Variants in NLRP2 observed in about 807,000 individuals in gnomAD.
The protein encoded by NLRP2 is NLR family pyrin domain containing 2.
A neutral mutation model predicts 97.2 loss-of-function variants in NLRP2; 107 were observed. The observed-to-expected ratio is 1.10, with a 90% CI of 0.94 to 1.29. NLRP2 has a LOEUF of 1.29. NLRP2 is among the 50% of genes most tolerant of loss of function. The pLI, the probability that NLRP2 is intolerant of heterozygous loss-of-function variation, is 0.00. For missense variants in NLRP2, 1,495 were observed against 1,330.3 expected (o/e 1.12, Z -1.93); for synonymous variants, 663 against 551.5 (o/e 1.20, Z -2.83).
Position 54,990,193 on chromosome 19 carries a change from G to GT in NLRP2, c.2537+2dup. On this transcript the variant is annotated splice_donor_variant, in intron 9 of 12. Transcript: ENST00000448584. LOFTEE classifies it high-confidence loss of function. ...CCAAGTGCTTTCTGCAGAGGTTGTC[G>GT]TAAGTCTCTCCTCTCTTACAGAGCA... The GT allele has an allele frequency of 1.2e-6, 2 of 1,613,990 alleles. No homozygotes were observed. The highest frequency in any genetic ancestry group is 1.1e-5 in the South Asian group (1 of 91,080).
intron 10 of NLRP2, among the ~76,000 whole-genome samples, chr19:54,992,692 A>G (rs1359346121): frequency 6.8e-6 from 1 of 147,444 alleles, no homozygotes; most frequent in Non-Finnish European, 1.5e-5. Context: ...TCAGCCTCCC[A>G]GGGATTAAGG....
chr19:54,968,701 C>CT (rs61212213), intron 1 of NLRP2, among the ~76,000 whole-genome samples: 13 of 114,284 alleles, frequency 1.1e-4, no homozygotes, highest in East Asian at 2.6e-4. Flanking sequence ...ATCTTTAAGC[C>CT]TTTTTTTTTT....
At chr19:54,998,450 G>A (rs1196284331) in intron 12 of NLRP2, among the ~76,000 whole-genome samples, 1 of 152,078 alleles carries the variant, frequency 6.6e-6, no homozygotes, top group Admixed American at 6.6e-5. Flanking sequence ...AAGAAACATA[G>A]ATTACTTGTT....
chr19:54,968,938 C>T (rs1308670523), intron 1 of NLRP2, among the ~76,000 whole-genome samples: 1 of 151,718 alleles, frequency 6.6e-6, no homozygotes, highest in East Asian at 2.0e-4. Context: ...CCTGACCTCA[C>T]GATCCGCCCG....
At chr19:54,987,569 C>CT (rs2072178102) in intron 8 of NLRP2, among the ~76,000 whole-genome samples, 1 of 152,114 alleles carries the variant, frequency 6.6e-6, no homozygotes, top group South Asian at 2.1e-4. Context: ...TGGTGAAACT[C>CT]TGTCTCTACT....
Position 54,985,185 on chromosome 19 carries a change from A to G in NLRP2, c.2169A>G (p.Ile723Met), listed in dbSNP as rs201705438. 1 of 1,614,138 alleles carries G rather than the reference A, an allele frequency of 6.2e-7. No individual in the cohort carries two copies. The highest frequency in any genetic ancestry group is 8.5e-7 in the Non-Finnish European group (1 of 1,180,028). The change falls in exon 7 of 13, where the codon ATA (isoleucine) becomes ATG (methionine). Residue 723 changes from isoleucine (I) to methionine (M), a missense_variant. Coordinates refer to ENST00000448584, the MANE Select transcript of NLRP2 (RefSeq NM_017852.5). The part of the protein sequence containing the change: ...ASLVRILCEQ[I>M]ASDTCHLQRV... ...TAGTAAGGATCCTGTGTGAACAAAT[A>G]GCCTCTGACACCTGTCATCTCCAGA... is the stretch of plus-strand genomic sequence containing the variant.
At chr19:54,994,230 C>T in intron 10 of NLRP2, 39 bp from the exon 11 acceptor site, 6 of 1,611,852 alleles carry the variant, frequency 3.7e-6, no homozygotes, top group East Asian at 2.2e-5. Flanking sequence ...TGAGAACTCA[C>T]AGGTTCGGGT....
intron 11 of NLRP2, 30 bp from the exon 12 acceptor site, chr19:54,997,287 A>G (rs752728018): frequency 3.7e-6 from 6 of 1,611,178 alleles, no homozygotes; most frequent in African/African-American, 1.3e-5. Context: ...CACTGGCTGC[A>G]TTAACGTGTT....
chr19:54,966,767 C>T (rs1327364098), intron 1 of NLRP2, among the ~76,000 whole-genome samples: 1 of 150,372 alleles, frequency 6.7e-6, no homozygotes, highest in Non-Finnish European at 1.5e-5. Context: ...AGGCTGGTCT[C>T]AGTCCGCCTC....
intron 11 of NLRP2, 103 bp from the exon 12 acceptor site, chr19:54,997,214 T>C (rs1410867252): frequency 1.6e-6 from 2 of 1,216,118 alleles, no homozygotes; most frequent in African/African-American, 3.0e-5. Flanking sequence ...CTGAGACTTC[T>C]GTTGGTCATG....
intron 3 of NLRP2, among the ~76,000 whole-genome samples, chr19:54,975,473 A>T (rs1317029479): frequency 7.3e-6 from 1 of 137,654 alleles, no homozygotes; most frequent in Non-Finnish European, 1.5e-5. Flanking sequence ...TTTTTTTGAG[A>T]TAGAGTCTCT....
At chr19:54,982,071 C>T (rs745711962) in intron 5 of NLRP2, 91 bp from the exon 6 acceptor site, 8 of 1,534,588 alleles carry the variant, frequency 5.2e-6, no homozygotes, top group Admixed American at 1.7e-5. Context: ...AGCCACTGTG[C>T]CCGGCCAACA....
At chr19:55,000,495 G>T (rs1299330431) in intron 12 of NLRP2, among the ~76,000 whole-genome samples, 1 of 150,034 alleles carries the variant, frequency 6.7e-6, no homozygotes, top group Admixed American at 6.7e-5. Context: ...AGCCAGGATG[G>T]TCTTGATCTG....
chr19:54,996,336 C>G (rs1229327843), intron 11 of NLRP2, among the ~76,000 whole-genome samples: 2 of 151,880 alleles, frequency 1.3e-5, no homozygotes, highest in Admixed American at 1.3e-4. Flanking sequence ...ACAGGTGAAA[C>G]CCTGTCTCTC....
chr19:54,976,812 C>CTTTT (rs530895836), intron 3 of NLRP2: 31,677 of 317,954 alleles, frequency 0.1, 2,199 homozygotes, highest in East Asian at 0.27. Context: ...TGTTCTCTCT[C>CTTTT]TTTTTTTTTT....
intron 10 of NLRP2, chr19:54,991,108 CAATTGGTTGTAAATGG>C (rs2072447318): frequency 5.9e-6 from 1 of 168,416 alleles, no homozygotes; most frequent in African/African-American, 2.5e-5. Context: ...AAATTGCATG[CAATTGGTTGTAAATGG>C]AATTCATTTA....
rs2073162180 is a variant in NLRP2, at chr19:55,001,014, G to A, written c.*116G>A. On this transcript the variant is annotated 3_prime_UTR_variant, in exon 13 of 13. Transcript: ENST00000448584. ...CCTCAGGGATAATGAGTTCATTGCT[G>A]GGCTAGATGTTTTAGCCATGATTCT... 1.1e-6 allele frequency: 1 copy of A among 901,314 alleles called. No homozygotes were observed. Among genetic ancestry groups the A allele is most frequent in the South Asian group, 1.4e-5 (1 of 73,072 alleles). The allele number at this position is 901,314 out of a possible 1,614,324, so 55.8% of individuals were successfully genotyped here.
chr19:54,967,145 G>T (rs2070501144), intron 1 of NLRP2, among the ~76,000 whole-genome samples: 1 of 152,068 alleles, frequency 6.6e-6, no homozygotes, highest in African/African-American at 2.4e-5. Context: ...GGGATTATAG[G>T]CAGGTGCCAC....
At chr19:54,969,477 CAA>C (rs757668995) in intron 1 of NLRP2, among the ~76,000 whole-genome samples, 30,401 of 93,986 alleles carry the variant, frequency 0.32, 3,521 homozygotes, top group East Asian at 0.48. Flanking sequence ...GACTCCGTCT[CAA>C]AAAAAAAAAA....
Sources: gnomAD v4.1 joint callset for allele counts (sites outside exome capture counted in the v4.1 genomes callset) on GRCh38, gnomAD v4.1.1 for gene constraint, MANE v1.5 for transcripts, NCBI Gene and HGNC (gene_info 2026-07-23, HGNC 2026-07-21) for gene names.